The following TEX14 variants were observed in gnomAD, a reference collection of about 807,000 sequenced individuals.
TEX14 encodes the protein inactive serine/threonine-protein kinase TEX14.
TEX14 carries 168 observed loss-of-function variants against 178.6 expected under a neutral mutation model. The ratio of observed to expected loss-of-function variants is 0.94; its 90% CI spans 0.83 to 1.07. The LOEUF (loss-of-function observed/expected upper bound fraction) is 1.07. Among genes scored for constraint, TEX14 ranks in the 50% least tolerant of loss-of-function variants. The pLI is 0.00. For missense variants in TEX14, 1,730 were observed against 1,753.6 expected (o/e 0.99, Z 0.24); for synonymous variants, 626 against 634.1 (o/e 0.99, Z 0.19).
At chr17:58,663,620 C>A (rs977471923) in intron 1 of TEX14, among the ~76,000 whole-genome samples, 41 of 151,910 alleles carry the variant, frequency 2.7e-4, no homozygotes, top group African/African-American at 9.9e-4. Flanking sequence ...GGATGCACCA[C>A]CACGCCTGGC....
intron 10 of TEX14, among the ~76,000 whole-genome samples, chr17:58,608,243 C>A (rs1598382118): frequency 2.0e-5 from 3 of 152,118 alleles, no homozygotes; most frequent in African/African-American, 7.2e-5. Context: ...TGGTGAAACC[C>A]CATCTCTACT....
At chr17:58,639,999 A>G (rs1158357260) in intron 2 of TEX14, among the ~76,000 whole-genome samples, 1 of 152,236 alleles carries the variant, frequency 6.6e-6, no homozygotes. Flanking sequence ...AAATATTTGA[A>G]TGCTGGTATA....
chr17:58,649,947 C>T (rs2046804055), intron 2 of TEX14, among the ~76,000 whole-genome samples: 1 of 152,086 alleles, frequency 6.6e-6, no homozygotes, highest in Non-Finnish European at 1.5e-5. Flanking sequence ...ACTATGTTGG[C>T]CAGGCTGGTC....
intron 19 of TEX14, among the ~76,000 whole-genome samples, chr17:58,582,244 A>C (rs1397255736): frequency 6.6e-6 from 1 of 152,146 alleles, no homozygotes; most frequent in Admixed American, 6.5e-5. Flanking sequence ...AATAGTAAAA[A>C]GCAGCAAATT....
rs373651371 is a variant in TEX14 at position 58,619,308 on chromosome 17, C to G, written c.555-1689G>C. Among the ~76,000 whole-genome samples the G allele has an allele frequency of 3.9e-5, 6 of 152,180 alleles. No individual in the cohort carries two copies. In the East Asian group the frequency reaches 1.2e-3, roughly 29 times the overall value. On this transcript the variant is annotated intron_variant, in intron 5 of 31. Coordinates refer to ENST00000349033, the MANE Select transcript of TEX14 (RefSeq NM_031272.5). ...GCTCTCTTACCTAAATTTCTCAGCA[C>G]ACATCTATATAACTCGGCTGGGTTA...
chr17:58,630,659 A>T, intron 2 of TEX14, 105 bp from the exon 3 acceptor site: 1 of 710,536 alleles, frequency 1.4e-6, no homozygotes, highest in Non-Finnish European at 2.4e-6. Flanking sequence ...ACTTTCATAT[A>T]TTGCTGTGAG....
chr17:58,603,413 G>A (rs1232603219), intron 11 of TEX14, among the ~76,000 whole-genome samples: 1 of 151,888 alleles, frequency 6.6e-6, no homozygotes, highest in Non-Finnish European at 1.5e-5. Context: ...AATTAGCTGG[G>A]TGTGGTGGCG....
chr17:58,596,956 A>T (rs1251045998), intron 14 of TEX14, among the ~76,000 whole-genome samples: 1 of 152,128 alleles, frequency 6.6e-6, no homozygotes, highest in Non-Finnish European at 1.5e-5. Context: ...CTAAGTGAGG[A>T]CTGAAGCCTC....
chr17:58,682,925 GA>G (rs973665145), intron 1 of TEX14, among the ~76,000 whole-genome samples: 3 of 151,718 alleles, frequency 2.0e-5, no homozygotes, highest in Non-Finnish European at 4.4e-5. Context: ...TCTTTGATTA[GA>G]AAAAAATGAG....
chr17:58,675,181 C>T (rs879754179), intron 1 of TEX14: 2 of 151,738 alleles, frequency 1.3e-5, no homozygotes, highest in Admixed American at 1.3e-4. Flanking sequence ...AATAAGCACA[C>T]GAAAATATGT....
At chr17:58,602,124 A>G (rs1165142666) in intron 12 of TEX14, among the ~76,000 whole-genome samples, 168 bp from the exon 13 acceptor site, 1 of 152,184 alleles carries the variant, frequency 6.6e-6, no homozygotes, top group African/African-American at 2.4e-5. Flanking sequence ...CTTAAAAGCA[A>G]TAATAATAGC....
chr17:58,598,185 A>G (rs1272514380), intron 14 of TEX14, among the ~76,000 whole-genome samples: 2 of 151,990 alleles, frequency 1.3e-5, no homozygotes, highest in African/African-American at 4.8e-5. Flanking sequence ...ATGGTGGCGC[A>G]TGACTGTAAT....
intron 1 of TEX14, among the ~76,000 whole-genome samples, chr17:58,673,794 A>G (rs1211280888): frequency 1.3e-5 from 2 of 152,016 alleles, no homozygotes; most frequent in African/African-American, 2.4e-5. Flanking sequence ...CTTGGTCTCA[A>G]ACTTCTTGGC....
chr17:58,576,028 T>C (rs2044666481), intron 21 of TEX14, among the ~76,000 whole-genome samples: 1 of 152,216 alleles, frequency 6.6e-6, no homozygotes, highest in South Asian at 2.1e-4. Context: ...TGGCATATGC[T>C]AGATATTTAG....
In TEX14 at chr17:58,629,916, T is replaced by C. The variant is rs74918090; in HGVS notation, c.251+524A>G. On this transcript the variant is annotated intron_variant, in intron 3 of 31. Coordinates refer to ENST00000349033, the MANE Select transcript of TEX14 (RefSeq NM_031272.5). ...TTTCGTGTTTCGTGTTTTTTTTTTT[T>C]CCTTTTTTTTTTTTTTTGACGGAGT... 7.8e-3 allele frequency among the ~76,000 whole-genome samples: 942 copies of C among 120,772 alleles called. 10 individuals are homozygous for C. Among genetic ancestry groups the C allele is most frequent in the Non-Finnish European group, 0.013 (706 of 55,798 alleles). The allele number at this position is 120,772 out of a possible 152,430, so 79.2% of individuals were successfully genotyped here.
At chr17:58,592,387 TG>T (rs2045170133) in intron 15 of TEX14, among the ~76,000 whole-genome samples, 3 of 151,546 alleles carry the variant, frequency 2.0e-5, no homozygotes, top group African/African-American at 7.3e-5. Context: ...CAGGCTGGAC[TG>T]CAGTGGCGCG....
At chr17:58,634,829 T>G (rs1223782989) in intron 2 of TEX14, among the ~76,000 whole-genome samples, 1 of 152,034 alleles carries the variant, frequency 6.6e-6, no homozygotes, top group Non-Finnish European at 1.5e-5. Context: ...TACCATCCAG[T>G]ATAATAAAAA....
chr17:58,566,985 G>A (rs2044414161), intron 26 of TEX14, among the ~76,000 whole-genome samples: 1 of 150,102 alleles, frequency 6.7e-6, no homozygotes, highest in Non-Finnish European at 1.5e-5. Context: ...TGACCAACAT[G>A]GTGAACCCCA....
chr17:58,629,925 T>C (rs1263542623), intron 3 of TEX14, among the ~76,000 whole-genome samples: 1 of 150,776 alleles, frequency 6.6e-6, no homozygotes, highest in East Asian at 1.9e-4. Context: ...TTCCTTTTTT[T>C]TTTTTTTTGA....
Sources: gnomAD v4.1 joint callset for allele counts (sites outside exome capture counted in the v4.1 genomes callset) on GRCh38, gnomAD v4.1.1 for gene constraint, MANE v1.5 for transcripts, NCBI Gene and HGNC (gene_info 2026-07-23, HGNC 2026-07-21) for gene names.